The following RHOA variants were observed in gnomAD, a reference collection of about 807,000 sequenced individuals.
The protein encoded by RHOA is transforming protein RhoA.
RHOA carries 3 observed loss-of-function variants against 17.5 expected under a neutral mutation model. The observed-to-expected ratio is 0.17, with a 90% confidence interval of 0.08 to 0.44. The LOEUF (loss-of-function observed/expected upper bound fraction) is 0.44. Among genes scored for constraint, RHOA ranks in the 20% least tolerant of loss-of-function variants. The probability of loss-of-function intolerance (pLI) is 0.99; values close to 1 mark genes in which losing one functional copy is unlikely to be tolerated. For missense variants in RHOA, 56 were observed against 242.3 expected (o/e 0.23, Z 5.10); for synonymous variants, 98 against 88.4 (o/e 1.11, Z -0.61).
intron 1 of RHOA, among the ~76,000 whole-genome samples, chr3:49,400,084 TG>T (rs1421716122): frequency 6.6e-6 from 1 of 151,470 alleles, no homozygotes; most frequent in African/African-American, 2.4e-5. Context: ...TGGTGGCACG[TG>T]CTTGTAATCC....
At chr3:49,407,986 C>G (rs1160126629) in intron 1 of RHOA, among the ~76,000 whole-genome samples, 2 of 152,102 alleles carry the variant, frequency 1.3e-5, no homozygotes, top group South Asian at 4.1e-4. Flanking sequence ...ATGGTGAAAC[C>G]CCGTCTCTAC....
intron 1 of RHOA, among the ~76,000 whole-genome samples, chr3:49,393,834 T>G (rs1249663009): frequency 6.7e-6 from 1 of 149,610 alleles, no homozygotes; most frequent in Non-Finnish European, 1.5e-5. Context: ...CTCAGCCTCC[T>G]GAGTAGCTGG....
At chr3:49,409,861 T>C (rs1236733688) in intron 1 of RHOA, among the ~76,000 whole-genome samples, 2 of 152,192 alleles carry the variant, frequency 1.3e-5, no homozygotes, top group Admixed American at 6.5e-5. Context: ...CAGTCAAAAG[T>C]GCCCACAGTT....
chr3:49,361,529 G>A (rs2047971511), intron 4 of RHOA, among the ~76,000 whole-genome samples: 1 of 152,146 alleles, frequency 6.6e-6, no homozygotes, highest in South Asian at 2.1e-4. Flanking sequence ...TCTTTCAGTT[G>A]CCACTAATTT....
intron 4 of RHOA, among the ~76,000 whole-genome samples, chr3:49,361,321 G>A (rs919346356): frequency 1.3e-5 from 2 of 152,112 alleles, no homozygotes; most frequent in African/African-American, 4.8e-5. Flanking sequence ...CATTCAGACA[G>A]AGAAACCTGA....
chr3:49,410,133 T>C (rs2048908056), intron 1 of RHOA, among the ~76,000 whole-genome samples: 1 of 152,078 alleles, frequency 6.6e-6, no homozygotes, highest in African/African-American at 2.4e-5. Context: ...ATCAACAAGG[T>C]TTAAAAGAAG....
At chr3:49,394,271 T>G (rs1171606775) in intron 1 of RHOA, among the ~76,000 whole-genome samples, 1 of 152,186 alleles carries the variant, frequency 6.6e-6, no homozygotes, top group Non-Finnish European at 1.5e-5. Context: ...CCCGAAGTGC[T>G]AGGATTACAG....
intron 1 of RHOA, among the ~76,000 whole-genome samples, chr3:49,382,245 G>A (rs940536837): frequency 1.3e-5 from 2 of 152,142 alleles, no homozygotes; most frequent in African/African-American, 4.8e-5. Flanking sequence ...GGTGAACCCA[G>A]GAGGTGGAGC....
At chr3:49,392,902 C>A (rs767075216) in intron 1 of RHOA, among the ~76,000 whole-genome samples, 2 of 152,114 alleles carry the variant, frequency 1.3e-5, no homozygotes, top group East Asian at 1.9e-4. Flanking sequence ...AGAGGCCAGG[C>A]GTGATGGCTC....
chr3:49,402,533 G>C (rs1347351788), intron 1 of RHOA, among the ~76,000 whole-genome samples: 1 of 151,784 alleles, frequency 6.6e-6, no homozygotes, highest in Non-Finnish European at 1.5e-5. Context: ...AATTAACTAG[G>C]TATGGTGGTG....
At chr3:49,382,144 C>T (rs960739508) in intron 1 of RHOA, among the ~76,000 whole-genome samples, 7 of 149,954 alleles carry the variant, frequency 4.7e-5, no homozygotes, top group African/African-American at 1.5e-4. Context: ...ATAGTGAAAT[C>T]CCGTCTCTAC....
At chr3:49,377,516 C>T (rs1416564246) in intron 1 of RHOA, among the ~76,000 whole-genome samples, 2 of 151,634 alleles carry the variant, frequency 1.3e-5, no homozygotes, top group Non-Finnish European at 1.5e-5. Flanking sequence ...TCCCCTGAGC[C>T]CTGGAGGTGG....
At chr3:49,370,566 G>A (rs1405505034) in intron 2 of RHOA, among the ~76,000 whole-genome samples, 1 of 152,212 alleles carries the variant, frequency 6.6e-6, no homozygotes, top group Admixed American at 6.6e-5. Context: ...TGACAGGAAA[G>A]CCCTTTTGGC....
rs57354041 is a variant in RHOA, at chr3:49,401,041, C to CAAAAAAAAAAAAAAAAAAAAAAA, written c.-3+10778_-3+10779insTTTTTTTTTTTTTTTTTTTTTTT. Among the ~76,000 whole-genome samples, 7 of 67,584 alleles carry CAAAAAAAAAAAAAAAAAAAAAAA rather than the reference C, an allele frequency of 1.0e-4. 1 individual carries two copies. Among genetic ancestry groups the CAAAAAAAAAAAAAAAAAAAAAAA allele is most frequent in the Non-Finnish European group, 1.6e-4 (6 of 37,804 alleles). 44.3% of individuals were successfully genotyped at this position (67,584 alleles called of 152,430 possible). A position where few individuals can be genotyped will look rare whatever the true frequency, so the allele number is the denominator to read the frequency against. On this transcript the variant is annotated intron_variant, in intron 1 of 4. Coordinates refer to ENST00000418115, the MANE Select transcript of RHOA (RefSeq NM_001664.4). ...AGCCTGGGCGACAGAGACTCCGTCT[C>CAAAAAAAAAAAAAAAAAAAAAAA]AAAAAAAAAAAAAAAAAAAAGAGTT...
At chr3:49,405,746 G>A (rs2048822662) in intron 1 of RHOA, among the ~76,000 whole-genome samples, 2 of 152,118 alleles carry the variant, frequency 1.3e-5, no homozygotes, top group African/African-American at 2.4e-5. Context: ...CTGGAGTGCA[G>A]CAATCTTGGC....
At chr3:49,362,385 T>G in intron 4 of RHOA, 111 bp downstream of exon 4, 4 of 1,204,362 alleles carry the variant, frequency 3.3e-6, no homozygotes, top group Non-Finnish European at 4.6e-6. Context: ...GAGGGGCTTC[T>G]GAGCCTCTAA....
At chr3:49,400,886 A>C (rs1301803785) in intron 1 of RHOA, among the ~76,000 whole-genome samples, 2 of 151,698 alleles carry the variant, frequency 1.3e-5, no homozygotes, top group Non-Finnish European at 2.9e-5. Context: ...TCTACTAAAA[A>C]TACAAAAAAA....
intron 1 of RHOA, 99 bp from the exon 2 acceptor site, chr3:49,375,690 AT>A: frequency 8.0e-7 from 1 of 1,256,370 alleles, no homozygotes; most frequent in Non-Finnish European, 1.1e-6. Context: ...ATAAACCTCT[AT>A]TAGCATACTC....
At chr3:49,409,121 G>T (rs891320024) in intron 1 of RHOA, among the ~76,000 whole-genome samples, 1 of 151,796 alleles carries the variant, frequency 6.6e-6, no homozygotes, top group Non-Finnish European at 1.5e-5. Context: ...ATGGGTGGGC[G>T]TGGTGGCTCA....
Sources: gnomAD v4.1 joint callset for allele counts (sites outside exome capture counted in the v4.1 genomes callset) on GRCh38, gnomAD v4.1.1 for gene constraint, MANE v1.5 for transcripts, NCBI Gene and HGNC (gene_info 2026-07-23, HGNC 2026-07-21) for gene names.